EYS: variants seen among roughly 807,000 people sequenced by gnomAD.
EYS encodes the protein EGF-like photoreceptor maintenance factor, also known as protein eyes shut homolog.
In EYS, 250 loss-of-function variants were observed where a neutral mutation model predicts 282.1. The ratio of observed to expected loss-of-function variants is 0.89; its 90% CI spans 0.80 to 0.98. EYS has a LOEUF of 0.98. Ranked by LOEUF, EYS falls within the 50% of genes least tolerant of loss-of-function variation. The pLI is 0.00. For synonymous variants in EYS, 1,355 were observed against 1,282.9 expected (o/e 1.06, Z -1.20); for missense variants, 4,016 against 3,709.0 (o/e 1.08, Z -2.15).
At chr6:65,092,975 A>C (rs1223557634) in intron 12 of EYS, among the ~76,000 whole-genome samples, 1 of 152,078 alleles carries the variant, frequency 6.6e-6, no homozygotes, top group Non-Finnish European at 1.5e-5. Flanking sequence ...AGATTTACAA[A>C]CCCCCTAATA....
At chr6:63,739,489 A>G (rs1173827434) in intron 41 of EYS, among the ~76,000 whole-genome samples, 2 of 152,018 alleles carry the variant, frequency 1.3e-5, no homozygotes, top group African/African-American at 4.8e-5. Context: ...AGGTGGTGTA[A>G]CCTTGGACAA....
chr6:64,018,246 A>G (rs1768989842), intron 33 of EYS, among the ~76,000 whole-genome samples: 1 of 152,236 alleles, frequency 6.6e-6, no homozygotes, highest in African/African-American at 2.4e-5. Context: ...AAATTAACAC[A>G]GTTTCCTTTG....
At chr6:65,186,712 T>C (rs955790938) in intron 12 of EYS, among the ~76,000 whole-genome samples, 1 of 151,756 alleles carries the variant, frequency 6.6e-6, no homozygotes, top group Admixed American at 6.6e-5. Context: ...ACTTAAAAGA[T>C]TGGGCTTCAG....
intron 26 of EYS, among the ~76,000 whole-genome samples, chr6:64,458,883 A>G (rs644929): frequency 0.41 from 62,353 of 151,946 alleles, 13,816 homozygotes; most frequent in African/African-American, 0.6. Flanking sequence ...CAAGGCACAT[A>G]TTTTTTAACA....
At chr6:65,514,728 G>T (rs1485033292) in intron 2 of EYS, among the ~76,000 whole-genome samples, 1 of 152,168 alleles carries the variant, frequency 6.6e-6, no homozygotes, top group Non-Finnish European at 1.5e-5. Flanking sequence ...GGGAAAACTG[G>T]CTAGCCATAT....
At chr6:64,631,986 T>C (rs187515052) in intron 22 of EYS, among the ~76,000 whole-genome samples, 172 of 152,016 alleles carry the variant, frequency 1.1e-3, no homozygotes, top group African/African-American at 3.8e-3. Flanking sequence ...ACATTTATAA[T>C]TTCTAATATC....
chr6:63,726,623 G>C lies in EYS; in HGVS notation c.8129C>G (p.Ala2710Gly). ...TGTCTTTTTTCGAACATGAAAGGAA[G>C]CAAAAGACATCCAGGATAACTCATT... ...RSNELSWMSF[A>G]SFHVRKKTHI... The change falls in exon 42 of 43, where the codon GCT (alanine) becomes GGT (glycine). Residue 2710 changes from alanine (A) to glycine (G), a missense_variant. Ala to Gly is a moderately conservative substitution (Grantham distance 60). Transcript: ENST00000503581. 2 of 1,551,066 alleles carry C rather than the reference G, an allele frequency of 1.3e-6. No individual in the cohort carries two copies. The highest frequency in any genetic ancestry group is 1.7e-6 in the Non-Finnish European group (2 of 1,146,612).
At chr6:65,348,547 T>A (rs953366256) in intron 9 of EYS, among the ~76,000 whole-genome samples, 2 of 151,864 alleles carry the variant, frequency 1.3e-5, no homozygotes, top group South Asian at 4.1e-4. Flanking sequence ...TAGATCTTTT[T>A]TCCCATTTCT....
At chr6:64,104,080 AT>A (rs1772923100) in intron 31 of EYS, among the ~76,000 whole-genome samples, 1 of 152,160 alleles carries the variant, frequency 6.6e-6, no homozygotes, top group Admixed American at 6.6e-5. Context: ...TTTGTTGGGT[AT>A]TTATGTGGAA....
intron 31 of EYS, among the ~76,000 whole-genome samples, chr6:64,149,430 C>A (rs1346968926): frequency 1.3e-5 from 2 of 152,092 alleles, no homozygotes; most frequent in African/African-American, 2.4e-5. Flanking sequence ...TATATAGAGC[C>A]CATGGTGGTC....
chr6:64,859,070 A>G (rs1020111091), intron 19 of EYS, among the ~76,000 whole-genome samples: 4 of 151,942 alleles, frequency 2.6e-5, no homozygotes, highest in Non-Finnish European at 4.4e-5. Context: ...GTAATCTCAT[A>G]TATAGAAAAT....
intron 30 of EYS, among the ~76,000 whole-genome samples, chr6:64,272,125 T>G (rs1390145458): frequency 1.3e-5 from 2 of 152,178 alleles, no homozygotes; most frequent in Non-Finnish European, 2.9e-5. Flanking sequence ...TTTTTTCTTC[T>G]CCAAAAGATA....
intron 31 of EYS, among the ~76,000 whole-genome samples, chr6:64,125,916 C>CTTTTTTTTTTTTTT: frequency 7.1e-6 from 1 of 140,672 alleles, no homozygotes; most frequent in Non-Finnish European, 1.6e-5. Context: ...CTATTCTCTT[C>CTTTTTTTTTTTTTT]TTTTTTTTTT....
chr6:64,187,076 T>C (rs1764967250), intron 31 of EYS, among the ~76,000 whole-genome samples: 1 of 152,160 alleles, frequency 6.6e-6, no homozygotes, highest in Non-Finnish European at 1.5e-5. Flanking sequence ...GGTCTGTAGA[T>C]GAACCAACTG....
intron 37 of EYS, 56 bp downstream of exon 37, chr6:63,806,134 C>G (rs1467351401): frequency 4.2e-6 from 6 of 1,426,456 alleles, no homozygotes; most frequent in Non-Finnish European, 5.7e-6. Context: ...CCTGAGGAAT[C>G]TCTAAAGTAT....
intron 12 of EYS, among the ~76,000 whole-genome samples, chr6:65,218,267 CATACCCTG>C (rs1386006899): frequency 5.3e-5 from 8 of 152,086 alleles, no homozygotes; most frequent in Non-Finnish European, 7.4e-5. Context: ...ATCTCTTAAA[CATACCCTG>C]ATAGGGATAC....
At chr6:65,591,689 A>G (rs891494468) in intron 2 of EYS, among the ~76,000 whole-genome samples, 3 of 151,870 alleles carry the variant, frequency 2.0e-5, no homozygotes, top group African/African-American at 7.3e-5. Context: ...GTCTGGAATA[A>G]TCTTTCCCCT....
At chr6:64,081,766 A>G (rs1771977502) in intron 32 of EYS, 90 bp downstream of exon 32, 12 of 1,137,908 alleles carry the variant, frequency 1.1e-5, no homozygotes, top group Non-Finnish European at 1.5e-5. Flanking sequence ...AAATTCTCTC[A>G]CAATATTTAA....
At chr6:64,449,795 C>G (rs189336968) in intron 26 of EYS, among the ~76,000 whole-genome samples, 270 of 152,246 alleles carry the variant, frequency 1.8e-3, no homozygotes, top group African/African-American at 6.3e-3. Flanking sequence ...ACTTTACAGA[C>G]AAGCAAATGC....
Sources: gnomAD v4.1 joint callset for allele counts (sites outside exome capture counted in the v4.1 genomes callset) on GRCh38, gnomAD v4.1.1 for gene constraint, MANE v1.5 for transcripts, NCBI Gene and HGNC (gene_info 2026-07-23, HGNC 2026-07-21) for gene names.